PLCG2: variants seen among roughly 807,000 people sequenced by gnomAD.
The protein encoded by PLCG2 is 1-phosphatidylinositol 4,5-bisphosphate phosphodiesterase gamma-2.
In PLCG2, 69 loss-of-function variants were observed where a neutral mutation model predicts 175.6. That is an observed-to-expected ratio of 0.39 (90% CI 0.32 to 0.48). The LOEUF (loss-of-function observed/expected upper bound fraction) is 0.48, where lower values mean the gene tolerates loss of function less well. PLCG2 is among the 20% of genes least tolerant of loss of function. PLCG2 has a pLI of 0.91. For synonymous variants in PLCG2, 827 were observed against 624.0 expected, an observed-to-expected ratio of 1.33 and a Z score of -4.85; for missense variants, 1,798 against 1,650.9, an observed-to-expected ratio of 1.09 and a Z score of -1.54.
chr16:81,844,192 C>G (rs1353886911), intron 2 of PLCG2, among the ~76,000 whole-genome samples: 1 of 130,192 alleles, frequency 7.7e-6, no homozygotes, highest in Non-Finnish European at 1.6e-5. Flanking sequence ...GACGAGGTTT[C>G]ACGTGTTAGC....
intron 2 of PLCG2, among the ~76,000 whole-genome samples, chr16:81,789,508 C>A (rs772897128): frequency 5.9e-5 from 9 of 152,054 alleles, no homozygotes; most frequent in Non-Finnish European, 1.0e-4. Flanking sequence ...AGGCTGGTCT[C>A]CAACTCCTGG....
rs1448967650 is a variant in PLCG2 at position 81,859,544 on chromosome 16, T to TC, written c.479+381_479+382insC. 2.0e-5 allele frequency among the ~76,000 whole-genome samples: 3 copies of TC among 152,196 alleles called. No individual in the cohort carries two copies. In the East Asian group the frequency reaches 5.8e-4, roughly 29 times the overall value. On this transcript the variant is annotated intron_variant, in intron 5 of 32. Coordinates refer to ENST00000564138, the MANE Select transcript of PLCG2 (RefSeq NM_002661.5). ...GAAGAAGTAAACCAGGTGGTTCTTT[T>TC]TTTTTTTTGAGACGGAGTCTCGCTC...
At chr16:81,771,407 A>T (rs1405965106) in intron 2 of PLCG2, among the ~76,000 whole-genome samples, 1 of 152,206 alleles carries the variant, frequency 6.6e-6, no homozygotes, top group South Asian at 2.1e-4. Context: ...TGTGAAACAC[A>T]GCCTTGTTTT....
intron 6 of PLCG2, among the ~76,000 whole-genome samples, chr16:81,870,522 T>C (rs1015885941): frequency 6.6e-6 from 1 of 152,230 alleles, no homozygotes; most frequent in African/African-American, 2.4e-5. Flanking sequence ...CTGAGACTCT[T>C]CCCTTTTGGG....
At chr16:81,772,333 G>A (rs1306306991) in intron 2 of PLCG2, among the ~76,000 whole-genome samples, 2 of 152,134 alleles carry the variant, frequency 1.3e-5, no homozygotes, top group Non-Finnish European at 2.9e-5. Flanking sequence ...TTCTCACCTA[G>A]GGCCTAAGGA....
rs189786048 is a variant in PLCG2 at position 81,885,239 on chromosome 16, G to C, written c.765+1898G>C. Among the ~76,000 whole-genome samples the C allele has an allele frequency of 3.9e-5, 6 of 152,238 alleles. No individual in the cohort carries two copies. In the East Asian group the frequency reaches 1.2e-3, roughly 29 times the overall value. On this transcript the variant is annotated intron_variant, in intron 9 of 32. Coordinates refer to ENST00000564138, the MANE Select transcript of PLCG2 (RefSeq NM_002661.5). ...GGGTTTCACAATGTTGGTCAGCCTGGTCTTGAACTCCTGGCCTCAGGTGAT... is the reference window on the plus strand; with the variant it reads ...GGGTTTCACAATGTTGGTCAGCCTGCTCTTGAACTCCTGGCCTCAGGTGAT...
At chr16:81,778,614 T>A (rs1265208500), upstream of PLCG2, among the ~76,000 whole-genome samples, 1 of 152,198 alleles carries the variant, frequency 6.6e-6, no homozygotes, top group Non-Finnish European at 1.5e-5. Context: ...GGTTCTTTGC[T>A]CCTGACTCCC....
intron 31 of PLCG2, among the ~76,000 whole-genome samples, chr16:81,952,087 A>G (rs527452288): frequency 1.3e-3 from 205 of 152,322 alleles, no homozygotes; most frequent in African/African-American, 4.7e-3. Context: ...GACAAAAACC[A>G]TAACACATTT....
chr16:81,750,710 CAG>C, intron 1 of PLCG2, among the ~76,000 whole-genome samples: 1 of 114,520 alleles, frequency 8.7e-6, no homozygotes, highest in South Asian at 3.0e-4. Flanking sequence ...CTCTTTTGCC[CAG>C]GCTGGAGTGC....
At chr16:81,769,373 C>T (rs1420685865) in intron 2 of PLCG2, among the ~76,000 whole-genome samples, 5 of 152,150 alleles carry the variant, frequency 3.3e-5, no homozygotes, top group African/African-American at 9.7e-5. Context: ...ATGATAGCGG[C>T]GGGCGGCAGT....
chr16:81,906,864 C>A (rs76760895), intron 15 of PLCG2, among the ~76,000 whole-genome samples: 2,856 of 152,040 alleles, frequency 0.019, 84 homozygotes, highest in African/African-American at 0.066. Flanking sequence ...ATGGCGAATC[C>A]CCGTCTCTAT....
chr16:81,937,844 A>C lies in PLCG2; in HGVS notation c.3139A>C (p.Lys1047Gln). 6.2e-7 allele frequency: 1 copy of C among 1,614,110 alleles called. No individual in the cohort carries two copies. Among genetic ancestry groups the C allele is most frequent in the Non-Finnish European group, 8.5e-7 (1 of 1,179,960 alleles). The change falls in exon 28 of 33, where the codon AAA (lysine) becomes CAA (glutamine). Residue 1047 changes from lysine to glutamine, a missense_variant. Physicochemically the swap from Lys to Gln is moderately conservative, Grantham distance 53. Transcript: ENST00000564138. ...GCAGCCTGAGAGCATGAGGACAGAG[A>C]AATATGACCCGATGCCACCCGAGTC... ...VLQPESMRTE[K>Q]YDPMPPESQR...
At chr16:81,905,635 G>A (rs1909336250) in intron 15 of PLCG2, 128 bp downstream of exon 15, 1 of 642,894 alleles carries the variant, frequency 1.6e-6, no homozygotes, top group Non-Finnish European at 2.8e-6. Context: ...TTTTTGCCAT[G>A]TGAATTTACC....
chr16:81,927,842 G>A (rs1033737652), intron 23 of PLCG2, among the ~76,000 whole-genome samples: 2 of 152,200 alleles, frequency 1.3e-5, no homozygotes, highest in South Asian at 2.1e-4. Context: ...CAAGTGGGAG[G>A]TACAGTCTAA....
chr16:81,848,238 C>T (rs902756877), intron 2 of PLCG2, among the ~76,000 whole-genome samples: 2 of 152,194 alleles, frequency 1.3e-5, no homozygotes, highest in African/African-American at 4.8e-5. Flanking sequence ...AAAGGATAAT[C>T]ATTTCAGAAG....
intron 7 of PLCG2, among the ~76,000 whole-genome samples, chr16:81,876,839 T>G (rs1431453602): frequency 6.6e-6 from 1 of 152,214 alleles, no homozygotes; most frequent in African/African-American, 2.4e-5. Context: ...AATTAACTGC[T>G]GCCTCCACGG....
intron 2 of PLCG2, among the ~76,000 whole-genome samples, chr16:81,816,355 A>G (rs1904546565): frequency 6.6e-6 from 1 of 152,200 alleles, no homozygotes; most frequent in African/African-American, 2.4e-5. Flanking sequence ...TGGGCAACAG[A>G]GTAAGGCCCT....
chr16:81,891,393 G>A (rs970905921), intron 10 of PLCG2, 79 bp from the exon 11 acceptor site: 3 of 837,848 alleles, frequency 3.6e-6, no homozygotes, highest in Admixed American at 1.7e-5. Context: ...TTCCCCCCTG[G>A]TGGGCGCAGA....
Position 81,931,640 on chromosome 16 carries a change from A to G in PLCG2, c.2725A>G (p.Lys909Glu). 2 of 1,613,770 alleles carry G rather than the reference A, an allele frequency of 1.2e-6. No homozygotes were observed. Among genetic ancestry groups the G allele is most frequent in the Non-Finnish European group, 1.7e-6 (2 of 1,179,778 alleles). ...WFQSIREITW[K>E]IDTKENNMKY... ...TCAGAGCATCCGAGAGATCACCTGGAAGATTGACACCAAGGTAGGCACCTG... is the reference window on the plus strand; with the variant it reads ...TCAGAGCATCCGAGAGATCACCTGGGAGATTGACACCAAGGTAGGCACCTG... Residue 909 changes from lysine to glutamate, a missense_variant, in exon 25 of 33, where the codon AAG becomes GAG. Transcript: ENST00000564138.
Sources: gnomAD v4.1 joint callset for allele counts (sites outside exome capture counted in the v4.1 genomes callset) on GRCh38, gnomAD v4.1.1 for gene constraint, MANE v1.5 for transcripts, NCBI Gene and HGNC (gene_info 2026-07-23, HGNC 2026-07-21) for gene names.